DLGAP1: variants seen among roughly 807,000 people sequenced by gnomAD.
The protein encoded by DLGAP1 is DLG associated protein 1.
A neutral mutation model predicts 90.8 loss-of-function variants in DLGAP1; 11 were observed. The observed-to-expected ratio is 0.12, with a 90% CI of 0.08 to 0.20. DLGAP1 has a LOEUF of 0.20. Among genes scored for constraint, DLGAP1 ranks in the 10% least tolerant of loss-of-function variants. The pLI, the probability that DLGAP1 is intolerant of heterozygous loss-of-function variation, is 1.00. For missense variants in DLGAP1, 1,050 were observed against 1,333.8 expected, an observed-to-expected ratio of 0.79 and a Z score of 3.31; for synonymous variants, 558 against 540.7, an observed-to-expected ratio of 1.03 and a Z score of -0.44.
intron 3 of DLGAP1, among the ~76,000 whole-genome samples, chr18:3,891,505 T>G (rs2071457487): frequency 6.6e-6 from 1 of 152,198 alleles, no homozygotes; most frequent in Non-Finnish European, 1.5e-5. Context: ...CTGTTCCAGC[T>G]GCCCTAAGCC....
chr18:3,584,535 A>G (rs2145436583), intron 7 of DLGAP1, among the ~76,000 whole-genome samples: 1 of 152,304 alleles, frequency 6.6e-6, no homozygotes, highest in East Asian at 1.9e-4. Flanking sequence ...CATAAAATAG[A>G]TGGAGACAAT....
intron 1 of DLGAP1, among the ~76,000 whole-genome samples, chr18:4,180,032 G>A (rs2144651799): frequency 6.6e-6 from 1 of 152,236 alleles, no homozygotes; most frequent in East Asian, 1.9e-4. Flanking sequence ...TTTACTGACA[G>A]GCAATGGAAA....
chr18:3,580,702 C>T (rs2055445502), intron 8 of DLGAP1: 1 of 1,613,626 alleles, frequency 6.2e-7, no homozygotes. Context: ...ACAATGATCA[C>T]AGTCAACCAC....
At chr18:4,265,682 TTCCTTCCTTCCTTCCTTCCC>T in intron 1 of DLGAP1, among the ~76,000 whole-genome samples, 1 of 111,922 alleles carries the variant, frequency 8.9e-6, no homozygotes, top group African/African-American at 3.7e-5. Flanking sequence ...CCTTCCTTCC[TTCCTTCCTTCCTTCCTTCCC>T]TCCTCTCTTC....
chr18:3,541,211 G>GAAAAATACAT (rs1354330156), intron 9 of DLGAP1, among the ~76,000 whole-genome samples: 4 of 151,888 alleles, frequency 2.6e-5, no homozygotes, highest in African/African-American at 9.7e-5. Context: ...AAGTTATTTT[G>GAAAAATACAT]AAAAATACAT....
intron 3 of DLGAP1, among the ~76,000 whole-genome samples, chr18:3,911,782 T>A: frequency 6.6e-6 from 1 of 152,260 alleles, no homozygotes; most frequent in Non-Finnish European, 1.5e-5. Flanking sequence ...CCTCTCTTAT[T>A]GCAGCTGGGC....
At chr18:3,974,667 T>C (rs569856186) in intron 3 of DLGAP1, among the ~76,000 whole-genome samples, 1 of 152,206 alleles carries the variant, frequency 6.6e-6, no homozygotes, top group Admixed American at 6.5e-5. Flanking sequence ...ATCAGGTAAA[T>C]GGGAGTATGA....
intron 1 of DLGAP1, among the ~76,000 whole-genome samples, chr18:4,203,582 T>C (rs2077654631): frequency 6.6e-6 from 1 of 152,158 alleles, no homozygotes; most frequent in South Asian, 2.1e-4. Context: ...ATTTAAGCTT[T>C]TAGATCTCAT....
intron 1 of DLGAP1, among the ~76,000 whole-genome samples, chr18:4,405,295 G>A (rs2082639585): frequency 6.6e-6 from 1 of 152,140 alleles, no homozygotes; most frequent in Admixed American, 6.5e-5. Context: ...TCCACTGGTG[G>A]AGAAAGCATA....
chr18:4,140,948 G>A lies in DLGAP1; in HGVS notation c.-159+10232C>T, dbSNP rs376560907. ...ATGTTATTTGTTTTTTTCTCTTGGG[G>A]CTTTTAGGATCCTTTCATTATCCTT... On this transcript the variant is annotated intron_variant, in intron 2 of 12. Coordinates refer to ENST00000315677, the MANE Select transcript of DLGAP1 (RefSeq NM_004746.4). Among the ~76,000 whole-genome samples, 6 of 151,754 alleles carry A rather than the reference G, an allele frequency of 4.0e-5. No individual in the cohort carries two copies. In the East Asian group the frequency reaches 9.7e-4, roughly 24 times the overall value.
chr18:4,373,713 T>C (rs2081962695), intron 1 of DLGAP1, among the ~76,000 whole-genome samples: 1 of 152,178 alleles, frequency 6.6e-6, no homozygotes, highest in Non-Finnish European at 1.5e-5. Flanking sequence ...ATAGAGTATT[T>C]ATTAGCCCTT....
chr18:4,238,876 C>T (rs1376924240), intron 1 of DLGAP1, among the ~76,000 whole-genome samples: 2 of 152,148 alleles, frequency 1.3e-5, no homozygotes, highest in Non-Finnish European at 2.9e-5. Flanking sequence ...TTGAAAAATG[C>T]CCCTCTCCAC....
intron 1 of DLGAP1, among the ~76,000 whole-genome samples, chr18:4,223,969 A>G (rs181503482): frequency 6.6e-6 from 1 of 152,330 alleles, no homozygotes; most frequent in Admixed American, 6.5e-5. Flanking sequence ...AATCATTTAG[A>G]TACAACTTGG....
At chr18:4,032,771 C>G (rs2074817642) in intron 2 of DLGAP1, among the ~76,000 whole-genome samples, 1 of 151,432 alleles carries the variant, frequency 6.6e-6, no homozygotes, top group African/African-American at 2.5e-5. Context: ...CCTGTACTAT[C>G]CACTATAGGA....
intron 1 of DLGAP1, among the ~76,000 whole-genome samples, chr18:4,265,134 T>TTC (rs61084906): frequency 0.017 from 2,378 of 140,180 alleles, 26 homozygotes; most frequent in Non-Finnish European, 0.024. Flanking sequence ...TTCCTTCCTT[T>TTC]CCTCCCTCCC....
chr18:4,080,510 G>A (rs2075590142), intron 2 of DLGAP1, among the ~76,000 whole-genome samples: 1 of 152,246 alleles, frequency 6.6e-6, no homozygotes. Context: ...GTTGGGCAGA[G>A]ATCTGCATCT....
chr18:4,404,240 T>C (rs2144553846), intron 1 of DLGAP1, among the ~76,000 whole-genome samples: 1 of 152,332 alleles, frequency 6.6e-6, no homozygotes, highest in South Asian at 2.1e-4. Context: ...GGATATTAAT[T>C]AATGAATCAG....
At chr18:3,940,501 T>TCTTA (rs2072744987) in intron 3 of DLGAP1, among the ~76,000 whole-genome samples, 2 of 152,244 alleles carry the variant, frequency 1.3e-5, no homozygotes, top group African/African-American at 4.8e-5. Flanking sequence ...CACTAAGAGT[T>TCTTA]GTTGAGAAGT....
intron 5 of DLGAP1, among the ~76,000 whole-genome samples, chr18:3,769,216 A>G (rs1383858864): frequency 1.3e-5 from 2 of 152,170 alleles, no homozygotes; most frequent in East Asian, 3.8e-4. Context: ...CTCCTATCAT[A>G]ATGACTACAA....
Sources: allele counts gnomAD v4.1 joint callset (sites outside exome capture counted in the v4.1 genomes callset), GRCh38; gene constraint gnomAD v4.1.1; transcripts MANE v1.5; gene names NCBI Gene and HGNC (gene_info 2026-07-23, HGNC 2026-07-21).